The following TBC1D26 variants were observed in gnomAD, a reference collection of about 807,000 sequenced individuals.
TBC1D26 encodes the protein TBC1 domain family, member 26.
TBC1D26 carries 19 observed loss-of-function variants against 42.5 expected under a neutral mutation model. The ratio of observed to expected loss-of-function variants is 0.45; its 90% CI spans 0.31 to 0.66. The LOEUF (loss-of-function observed/expected upper bound fraction) is 0.66. Ranked by LOEUF, TBC1D26 falls within the 30% of genes least tolerant of loss-of-function variation. The pLI is 0.06. For synonymous variants in TBC1D26, 97 were observed against 123.5 expected, an observed-to-expected ratio of 0.79 and a Z score of 1.42; for missense variants, 228 against 332.6, an observed-to-expected ratio of 0.69 and a Z score of 2.45.
chr17:15,734,985 A>T lies in TBC1D26; in HGVS notation c.-87A>T. 3.0e-6 allele frequency: 1 copy of T among 333,222 alleles called. No individual in the cohort carries two copies. The highest frequency in any genetic ancestry group is 5.5e-6 in the Non-Finnish European group (1 of 180,372). 20.6% of individuals were successfully genotyped at this position (333,222 alleles called of 1,614,324 possible). A position where few individuals can be genotyped will look rare whatever the true frequency, so the allele number is the denominator to read the frequency against. On this transcript the variant is annotated 5_prime_UTR_variant, in exon 2 of 15. Coordinates refer to ENST00000437605, the MANE Select transcript of TBC1D26 (RefSeq NM_001388465.1). ...ATCCTATAGAGACATCCAGTCCCTG[A>T]CTCCACCTGCCTCCAGGTGCCCAGA...
At chr17:15,737,801 G>A in intron 5 of TBC1D26, 196 bp from the exon 6 acceptor site, 2 of 827,736 alleles carry the variant, frequency 2.4e-6, no homozygotes, top group Admixed American at 2.7e-5. Context: ...TATGGCCTGA[G>A]GATGGCATGT....
In TBC1D26 at chr17:15,741,926, G is replaced by A; in HGVS notation, c.647-16G>A. 6.2e-7 allele frequency: 1 copy of A among 1,613,348 alleles called. No individual in the cohort carries two copies. The highest frequency in any genetic ancestry group is 8.5e-7 in the Non-Finnish European group (1 of 1,179,584). On this transcript the variant is annotated splice_polypyrimidine_tract_variant and intron_variant, in intron 10 of 14. Transcript: ENST00000437605. ...GGCGTGGGGTCTGATGGGGTGATGG[G>A]TCGCGGGCTTCTCAGTATTCTACAG...
intron 10 of TBC1D26, chr17:15,741,448 C>G: frequency 1.5e-6 from 1 of 688,832 alleles, no homozygotes; most frequent in Non-Finnish European, 2.3e-6. Flanking sequence ...TCCCTAACAT[C>G]AGAGGGCATG....
intron 9 of TBC1D26, 70 bp downstream of exon 9, chr17:15,740,218 G>A (rs920615627): frequency 1.2e-6 from 2 of 1,613,868 alleles, no homozygotes; most frequent in African/African-American, 1.3e-5. Flanking sequence ...GTCTCTTGGG[G>A]GTGTTGCAAC....
intron 5 of TBC1D26, 192 bp downstream of exon 5, chr17:15,737,715 T>TC (rs1967656516): frequency 1.0e-6 from 1 of 958,468 alleles, no homozygotes; most frequent in African/African-American, 1.7e-5. Flanking sequence ...AGAACTGCAG[T>TC]CCTGGCTCAG....
At chr17:15,741,489 C>T (rs895626479) in intron 10 of TBC1D26, 37 of 538,826 alleles carry the variant, frequency 6.9e-5, no homozygotes, top group Non-Finnish European at 1.1e-4. Context: ...CTCTGTCGTC[C>T]GAAGCCAGCC....
Position 15,738,716 on chromosome 17 carries a change from T to A in TBC1D26, c.388-5T>A. Reference sequence around the variant, plus strand: ...CTGCTTCCTCCTCTTGGCCCTGCCCTACAGGTCATGAAGGAGAAGGGCAAG... The same window carrying A: ...CTGCTTCCTCCTCTTGGCCCTGCCCAACAGGTCATGAAGGAGAAGGGCAAG... On this transcript the variant is annotated splice_region_variant and splice_polypyrimidine_tract_variant and intron_variant, in intron 7 of 14. Coordinates refer to ENST00000437605, the MANE Select transcript of TBC1D26 (RefSeq NM_001388465.1). 1 of 1,613,966 alleles carries A rather than the reference T, an allele frequency of 6.2e-7. No individual in the cohort carries two copies. The highest frequency in any genetic ancestry group is 1.1e-5 in the South Asian group (1 of 91,072).
At chr17:15,740,228 C>T in intron 9 of TBC1D26, 80 bp downstream of exon 9, 1 of 1,613,448 alleles carries the variant, frequency 6.2e-7, no homozygotes, top group South Asian at 1.1e-5. Context: ...GGTGTTGCAA[C>T]TTCTTGAAAA....
chr17:15,733,349 G>A (rs1173373549), intron 1 of TBC1D26, among the ~76,000 whole-genome samples: 4 of 152,124 alleles, frequency 2.6e-5, no homozygotes, highest in South Asian at 4.1e-4. Flanking sequence ...ACCCTGGAAG[G>A]CTACTGGGAG....
intron 8 of TBC1D26, among the ~76,000 whole-genome samples, chr17:15,739,647 C>G (rs1338498509): frequency 6.6e-6 from 1 of 152,286 alleles, no homozygotes; most frequent in Non-Finnish European, 1.5e-5. Context: ...ACCATAGAGA[C>G]AGAGAACAGA....
intron 9 of TBC1D26, 43 bp from the exon 10 acceptor site, chr17:15,741,079 C>T (rs1437046676): frequency 1.9e-6 from 3 of 1,601,764 alleles, no homozygotes; most frequent in Non-Finnish European, 2.5e-6. Flanking sequence ...TGGCCTCAGT[C>T]CTCCTAGGTG....
rs751479870 is a variant in TBC1D26 at position 15,735,429 on chromosome 17, A to T, written c.75+6A>T. 6 of 1,612,042 alleles carry T rather than the reference A, an allele frequency of 3.7e-6. No homozygotes were observed. In the Admixed American group the frequency reaches 1.0e-4, roughly 27 times the overall value. On this transcript the variant is annotated splice_donor_region_variant and intron_variant, in intron 3 of 14. Coordinates refer to ENST00000437605, the MANE Select transcript of TBC1D26 (RefSeq NM_001388465.1). Reference sequence around the variant, plus strand: ...TCATTACTAAGTATGAGCAGGTACAAGTTGGGCCGCTCCCTCAAGGGAAGC... The same window carrying T: ...TCATTACTAAGTATGAGCAGGTACATGTTGGGCCGCTCCCTCAAGGGAAGC...
rs377458137 is a variant in TBC1D26 at position 15,738,750 on chromosome 17, C to T, written c.417C>T (p.Ser139=). ...TGAAGGAGAAGGGCAAGAGGTCCTC[C>T]AGAATCATCCACTGCATCCAGCTAG... is the stretch of plus-strand genomic sequence containing the variant. ...KVMKEKGKRS[S]RIIHCIQLDV... Residue 139 remains serine, a synonymous_variant, in exon 8 of 15, where the codon TCC becomes TCT. Coordinates refer to ENST00000437605, the MANE Select transcript of TBC1D26 (RefSeq NM_001388465.1). The T allele has an allele frequency of 4.4e-5, 71 of 1,613,904 alleles. No individual in the cohort carries two copies. In the African/African-American group the frequency reaches 8.7e-4, roughly 20 times the overall value.
intron 4 of TBC1D26, among the ~76,000 whole-genome samples, chr17:15,737,267 C>T (rs536022967): frequency 4.6e-5 from 7 of 152,232 alleles, no homozygotes; most frequent in Admixed American, 2.0e-4. Flanking sequence ...GTGTCCCCCC[C>T]ACCCAGGGCC....
rs1429888691 is a variant in TBC1D26 at position 15,738,194 on chromosome 17, G to T, written c.280-86G>T. On this transcript the variant is annotated intron_variant, in intron 6 of 14. Transcript: ENST00000437605. ...AGTGGGTGGGTGGTACCCCATCCTT[G>T]CCATAGGACTGCAGGCCTGTTCGCC... The T allele has an allele frequency of 3.1e-6, 5 of 1,605,374 alleles. No homozygotes were observed. The South Asian group carries it at 5.5e-5, about 18-fold the overall frequency.
At chr17:15,734,411 C>A (rs1967556140) in intron 1 of TBC1D26, among the ~76,000 whole-genome samples, 1 of 152,028 alleles carries the variant, frequency 6.6e-6, no homozygotes, top group African/African-American at 2.4e-5. Flanking sequence ...TGCTGTGGGA[C>A]CCACTGGACA....
In TBC1D26 at chr17:15,741,162, T is replaced by C; in HGVS notation, c.587T>C (p.Ile196Thr). ...AGGGACCTGAGCCGCATCACTGCCA[T>C]CCTCCTCCTGTGTCTGCCAGAGGAA... ...YHRDLSRITA[I>T]LLLCLPEEDA... is the part of the protein sequence containing the mutation. The change falls in exon 10 of 15, where the codon ATC (isoleucine) becomes ACC (threonine). Residue 196 changes from isoleucine (I) to threonine (T), a missense_variant. Ile to Thr is a moderately conservative substitution (Grantham distance 89). Around this residue, in one of 5 missense-constraint regions of TBC1D26, gnomAD observed 130 missense variants for 168.5 expected, o/e 0.77. Transcript: ENST00000437605. 6.2e-7 allele frequency: 1 copy of C among 1,613,364 alleles called. No homozygotes were observed. Among genetic ancestry groups the C allele is most frequent in the Non-Finnish European group, 8.5e-7 (1 of 1,179,976 alleles).
rs1409901374 is a variant in TBC1D26 at position 15,741,928 on chromosome 17, C to T, written c.647-14C>T. On this transcript the variant is annotated splice_polypyrimidine_tract_variant and intron_variant, in intron 10 of 14. Transcript: ENST00000437605. ...CGTGGGGTCTGATGGGGTGATGGGT[C>T]GCGGGCTTCTCAGTATTCTACAGCC... The T allele has an allele frequency of 6.8e-6, 11 of 1,613,050 alleles. No homozygotes were observed. Among genetic ancestry groups the T allele is most frequent in the African/African-American group, 4.0e-5 (3 of 74,996 alleles).
At chr17:15,741,914 A>T in intron 10 of TBC1D26, 28 bp from the exon 11 acceptor site, 1 of 1,610,882 alleles carries the variant, frequency 6.2e-7, no homozygotes, top group Non-Finnish European at 8.5e-7. Flanking sequence ...GTGGGGTCTG[A>T]TGGGGTGATG....
Sources: allele counts gnomAD v4.1 joint callset (sites outside exome capture counted in the v4.1 genomes callset), GRCh38; gene constraint gnomAD v4.1.1; regional missense constraint gnomAD v4.1.1; transcripts MANE v1.5; gene names NCBI Gene and HGNC (gene_info 2026-07-23, HGNC 2026-07-21).